CRB1: variants seen among roughly 807,000 people sequenced by gnomAD.
The protein encoded by CRB1 is crumbs cell polarity complex component 1, also known as protein crumbs homolog 1.
Under a neutral mutation model 120.0 loss-of-function variants are expected in CRB1, and 83 were observed. The observed-to-expected ratio is 0.69, with a 90% CI of 0.58 to 0.83. The LOEUF is 0.83. CRB1 is among the 40% of genes least tolerant of loss of function. The pLI is 0.00. For missense variants in CRB1, 1,699 were observed against 1,687.6 expected, an observed-to-expected ratio of 1.01 and a Z score of -0.12; for synonymous variants, 625 against 612.5, an observed-to-expected ratio of 1.02 and a Z score of -0.30.
intron 5 of CRB1, among the ~76,000 whole-genome samples, chr1:197,366,414 A>G (rs536057394): frequency 1.8e-4 from 27 of 152,328 alleles, no homozygotes; most frequent in African/African-American, 6.3e-4. Flanking sequence ...GAACCTTTCC[A>G]AGTGTTAAAT....
chr1:197,463,129 T>TAAGAAGTAAAA (rs1225129128), intron 11 of CRB1, among the ~76,000 whole-genome samples: 1 of 152,204 alleles, frequency 6.6e-6, no homozygotes, highest in Non-Finnish European at 1.5e-5. Flanking sequence ...TTAGTTGTTT[T>TAAGAAGTAAAA]ACTTCTTGAT....
chr1:197,320,842 T>G (rs1021918262), intron 1 of CRB1, among the ~76,000 whole-genome samples: 2 of 152,236 alleles, frequency 1.3e-5, no homozygotes, highest in Non-Finnish European at 2.9e-5. Context: ...GCCATATATT[T>G]ACAAGAATGA....
intron 1 of CRB1, among the ~76,000 whole-genome samples, chr1:197,300,089 G>C (rs1357332961): frequency 1.3e-5 from 2 of 151,754 alleles, no homozygotes; most frequent in Non-Finnish European, 2.9e-5. Context: ...TTCACTGATA[G>C]GCTGTTCCTC....
At chr1:197,308,011 C>T (rs1053360859) in intron 1 of CRB1, among the ~76,000 whole-genome samples, 1 of 152,052 alleles carries the variant, frequency 6.6e-6, no homozygotes, top group African/African-American at 2.4e-5. Context: ...CTTCACTATT[C>T]ACAATAGTAA....
intron 4 of CRB1, among the ~76,000 whole-genome samples, chr1:197,348,477 T>A (rs1004146293): frequency 1.2e-4 from 19 of 152,316 alleles, no homozygotes; most frequent in African/African-American, 4.3e-4. Context: ...ATTGTTTATT[T>A]ATTTATTTTT....
intron 4 of CRB1, among the ~76,000 whole-genome samples, chr1:197,348,225 G>C (rs1010910137): frequency 2.0e-5 from 3 of 152,124 alleles, no homozygotes; most frequent in Non-Finnish European, 2.9e-5. Context: ...ATGGGATTGT[G>C]GTGGTCCCTC....
At chr1:197,283,087 G>A (rs1182937987) in intron 1 of CRB1, among the ~76,000 whole-genome samples, 1 of 150,770 alleles carries the variant, frequency 6.6e-6, no homozygotes, top group Non-Finnish European at 1.5e-5. Context: ...GGTCATTTTT[G>A]TTTTCCAAAA....
chr1:197,428,579 G>T (rs1007508090), intron 7 of CRB1, among the ~76,000 whole-genome samples: 2 of 152,130 alleles, frequency 1.3e-5, no homozygotes, highest in African/African-American at 4.8e-5. Context: ...AGGAAAAAAA[G>T]GAAACGCATT....
At chr1:197,376,201 C>T (rs1362325531) in intron 5 of CRB1, among the ~76,000 whole-genome samples, 1 of 152,082 alleles carries the variant, frequency 6.6e-6, no homozygotes, top group Admixed American at 6.6e-5. Flanking sequence ...CTTGGAAAAT[C>T]TCATGTAATC....
intron 5 of CRB1, among the ~76,000 whole-genome samples, chr1:197,396,466 A>C (rs767123262): frequency 9.9e-5 from 15 of 152,100 alleles, no homozygotes; most frequent in Admixed American, 2.0e-4. Context: ...GTAGAAATTG[A>C]TAGGCTGATT....
At chr1:197,397,180 CTCAATA>C (rs1478641325) in intron 5 of CRB1, among the ~76,000 whole-genome samples, 1 of 152,048 alleles carries the variant, frequency 6.6e-6, no homozygotes, top group Admixed American at 6.6e-5. Flanking sequence ...TGAAAAGATA[CTCAATA>C]TCAATAACAT....
chr1:197,228,729 T>C, the CRB1 span, among the ~76,000 whole-genome samples: 1 of 152,172 alleles, frequency 6.6e-6, no homozygotes, highest in Non-Finnish European at 1.5e-5. Context: ...GCTCTACTGG[T>C]ACCAATATAC....
At chr1:197,383,629 C>T (rs1452554013) in intron 5 of CRB1, among the ~76,000 whole-genome samples, 2 of 152,176 alleles carry the variant, frequency 1.3e-5, no homozygotes, top group East Asian at 3.8e-4. Flanking sequence ...TCCTGTTGAA[C>T]ACTGTGACGT....
At chr1:197,376,938 A>C (rs1363195757) in intron 5 of CRB1, among the ~76,000 whole-genome samples, 4 of 152,136 alleles carry the variant, frequency 2.6e-5, no homozygotes, top group Non-Finnish European at 5.9e-5. Flanking sequence ...TGGGGGTCTT[A>C]AAGTTACTTG....
At chr1:197,363,214 T>C (rs1158326119) in intron 5 of CRB1, among the ~76,000 whole-genome samples, 2 of 152,066 alleles carry the variant, frequency 1.3e-5, no homozygotes, top group Non-Finnish European at 2.9e-5. Context: ...ATTTTAATCA[T>C]TACATATAAT....
chr1:197,242,200 T>C, the CRB1 span, among the ~76,000 whole-genome samples: 1 of 151,936 alleles, frequency 6.6e-6, no homozygotes, highest in Non-Finnish European at 1.5e-5. Flanking sequence ...CTGATTGCCC[T>C]GGCCAGAACT....
At chr1:197,202,660 G>GA in the CRB1 span, among the ~76,000 whole-genome samples, 3 of 151,986 alleles carry the variant, frequency 2.0e-5, no homozygotes, top group East Asian at 1.9e-4. Flanking sequence ...CAAAGAAATA[G>GA]AAAAAATTCT....
chr1:197,230,712 C>T, the CRB1 span, among the ~76,000 whole-genome samples: 4 of 152,060 alleles, frequency 2.6e-5, no homozygotes, highest in Admixed American at 6.6e-5. Context: ...ATCAATTACT[C>T]CTTGTATTTT....
intron 5 of CRB1, among the ~76,000 whole-genome samples, chr1:197,382,759 A>G (rs1199447354): frequency 6.6e-6 from 1 of 152,362 alleles, no homozygotes; most frequent in Admixed American, 6.5e-5. Flanking sequence ...TATTAGGAGC[A>G]GACTCTGTGC....
Sources: allele counts gnomAD v4.1 joint callset (sites outside exome capture counted in the v4.1 genomes callset), GRCh38; gene constraint gnomAD v4.1.1; transcripts MANE v1.5; gene names NCBI Gene and HGNC (gene_info 2026-07-23, HGNC 2026-07-21).